The following SUGCT variants were observed in gnomAD, a reference collection of about 807,000 sequenced individuals.
The protein encoded by SUGCT is succinyl-CoA:glutarate CoA-transferase.
In SUGCT, 41 loss-of-function variants were observed where a neutral mutation model predicts 55.0. The observed-to-expected ratio is 0.74, with a 90% CI of 0.58 to 0.97. SUGCT has a LOEUF of 0.97. Ranked by LOEUF, SUGCT falls within the 50% of genes least tolerant of loss-of-function variation. The pLI is 0.00. For missense variants in SUGCT, 568 were observed against 547.8 expected, an observed-to-expected ratio of 1.04 and a Z score of -0.37; for synonymous variants, 187 against 200.4, an observed-to-expected ratio of 0.93 and a Z score of 0.56.
the SUGCT span, among the ~76,000 whole-genome samples, chr7:40,919,174 A>G: frequency 0.04 from 6,099 of 152,238 alleles, 153 homozygotes; most frequent in Non-Finnish European, 0.059. Flanking sequence ...TCACACATTT[A>G]TTTCTGTAGC....
At chr7:40,700,144 G>A (rs1785114807) in intron 12 of SUGCT, among the ~76,000 whole-genome samples, 1 of 152,172 alleles carries the variant, frequency 6.6e-6, no homozygotes, top group South Asian at 2.1e-4. Context: ...TAAATTTCAT[G>A]AGTCAAATAC....
chr7:40,810,494 A>C (rs1791353750), intron 13 of SUGCT, among the ~76,000 whole-genome samples: 1 of 152,028 alleles, frequency 6.6e-6, no homozygotes, highest in Non-Finnish European at 1.5e-5. Context: ...TGTGGTTTTG[A>C]TTTGCCTTTC....
intron 12 of SUGCT, among the ~76,000 whole-genome samples, chr7:40,557,772 A>T (rs1198274885): frequency 1.0e-5 from 1 of 97,410 alleles, no homozygotes; most frequent in Non-Finnish European, 1.9e-5. Context: ...GACTCTGTCT[A>T]AAAAAAAAAA....
chr7:40,549,836 A>C (rs1795208515), intron 12 of SUGCT, among the ~76,000 whole-genome samples: 1 of 152,174 alleles, frequency 6.6e-6, no homozygotes, highest in African/African-American at 2.4e-5. Context: ...TGGACAGTGG[A>C]AGATAAAACT....
At chr7:40,805,984 G>T (rs1161116413) in intron 13 of SUGCT, among the ~76,000 whole-genome samples, 1 of 152,196 alleles carries the variant, frequency 6.6e-6, no homozygotes, top group Non-Finnish European at 1.5e-5. Context: ...GTGCATCTTA[G>T]AAAGCCACCT....
intron 12 of SUGCT, among the ~76,000 whole-genome samples, chr7:40,498,177 A>C (rs1792089799): frequency 6.6e-6 from 1 of 152,174 alleles, no homozygotes; most frequent in Non-Finnish European, 1.5e-5. Flanking sequence ...TTTTCATACT[A>C]TTACAAATGT....
At chr7:40,493,813 T>G (rs1054228650) in intron 11 of SUGCT, among the ~76,000 whole-genome samples, 1 of 152,188 alleles carries the variant, frequency 6.6e-6, no homozygotes, top group Admixed American at 6.5e-5. Flanking sequence ...GCTTACAGCT[T>G]TTTGCATAAA....
At chr7:40,973,744 T>C in the SUGCT span, among the ~76,000 whole-genome samples, 1 of 152,232 alleles carries the variant, frequency 6.6e-6, no homozygotes, top group African/African-American at 2.4e-5. Flanking sequence ...TTCAGTTAAA[T>C]GAAACTACAA....
chr7:40,174,507 T>G (rs1354200620), intron 1 of SUGCT, among the ~76,000 whole-genome samples: 1 of 152,218 alleles, frequency 6.6e-6, no homozygotes, highest in Non-Finnish European at 1.5e-5. Context: ...ATGCAGTGGC[T>G]CATGCCTGTA....
the SUGCT span, among the ~76,000 whole-genome samples, chr7:40,907,538 T>C: frequency 6.6e-6 from 1 of 152,222 alleles, no homozygotes; most frequent in Non-Finnish European, 1.5e-5. Context: ...TTTATATGCA[T>C]TGCCTCATCT....
At chr7:40,492,752 C>T (rs905446203) in intron 11 of SUGCT, among the ~76,000 whole-genome samples, 4 of 152,136 alleles carry the variant, frequency 2.6e-5, no homozygotes, top group African/African-American at 7.2e-5. Flanking sequence ...TTCCTGCCTC[C>T]GTGGGTCCAG....
intron 13 of SUGCT, among the ~76,000 whole-genome samples, chr7:40,853,193 C>A (rs961642438): frequency 6.6e-6 from 1 of 151,820 alleles, no homozygotes; most frequent in Non-Finnish European, 1.5e-5. Context: ...GATAGATACT[C>A]CAAAATTATA....
intron 9 of SUGCT, among the ~76,000 whole-genome samples, chr7:40,351,275 T>C (rs1049678048): frequency 2.6e-5 from 4 of 152,102 alleles, no homozygotes; most frequent in Non-Finnish European, 5.9e-5. Flanking sequence ...GTATCAAAGT[T>C]AATAATTTTT....
At chr7:40,668,679 C>T (rs1398289733) in intron 12 of SUGCT, among the ~76,000 whole-genome samples, 1 of 152,114 alleles carries the variant, frequency 6.6e-6, no homozygotes, top group Non-Finnish European at 1.5e-5. Flanking sequence ...TTCTTTTGGA[C>T]TTATATATTC....
chr7:40,444,750 C>G (rs1583692536), intron 9 of SUGCT, among the ~76,000 whole-genome samples: 1 of 152,226 alleles, frequency 6.6e-6, no homozygotes, highest in African/African-American at 2.4e-5. Context: ...GCCAGAACTT[C>G]CAACACTATG....
At chr7:40,514,795 C>G (rs999127789) in intron 12 of SUGCT, among the ~76,000 whole-genome samples, 4 of 150,310 alleles carry the variant, frequency 2.7e-5, no homozygotes, top group Non-Finnish European at 5.9e-5. Context: ...CATGACGTCT[C>G]TTTACCACGG....
chr7:40,212,272 G>T (rs184979332), intron 6 of SUGCT, among the ~76,000 whole-genome samples: 1 of 149,880 alleles, frequency 6.7e-6, no homozygotes, highest in East Asian at 2.0e-4. Flanking sequence ...AAAAAAAAAA[G>T]AAATTAGCTG....
chr7:40,394,570 A>G (rs1285959575), intron 9 of SUGCT, among the ~76,000 whole-genome samples: 1 of 152,244 alleles, frequency 6.6e-6, no homozygotes, highest in Non-Finnish European at 1.5e-5. Flanking sequence ...TAACCTATGC[A>G]TTACCTCACA....
chr7:40,898,148 A>T, the SUGCT span, among the ~76,000 whole-genome samples: 1 of 150,680 alleles, frequency 6.6e-6, no homozygotes, highest in African/African-American at 2.5e-5. Context: ...CCACCAGCTC[A>T]CCAGTAGTGA....
Sources: gnomAD v4.1 joint callset for allele counts (sites outside exome capture counted in the v4.1 genomes callset) on GRCh38, gnomAD v4.1.1 for gene constraint, MANE v1.5 for transcripts, NCBI Gene and HGNC (gene_info 2026-07-23, HGNC 2026-07-21) for gene names.